The following RNF19A variants were observed in gnomAD, a reference collection of about 807,000 sequenced individuals.
The protein encoded by RNF19A is E3 ubiquitin-protein ligase RNF19A.
RNF19A carries 32 observed loss-of-function variants against 75.7 expected under a neutral mutation model. The ratio of observed to expected loss-of-function variants is 0.42; its 90% CI spans 0.32 to 0.57. The LOEUF (loss-of-function observed/expected upper bound fraction) is 0.57, where lower values mean the gene tolerates loss of function less well. Ranked by LOEUF, RNF19A falls within the 20% of genes least tolerant of loss-of-function variation. The pLI is 0.10. For synonymous variants in RNF19A, 335 were observed against 345.2 expected (o/e 0.97, Z 0.33); for missense variants, 782 against 1,036.3 (o/e 0.75, Z 3.37).
chr8:100,279,370 G>A (rs1820675104), intron 2 of RNF19A, among the ~76,000 whole-genome samples: 1 of 150,674 alleles, frequency 6.6e-6, no homozygotes, highest in Admixed American at 6.6e-5. Flanking sequence ...GCCAGGTTTT[G>A]TTTTGTTTTG....
At chr8:100,306,311 A>C (rs76014744) in intron 1 of RNF19A, among the ~76,000 whole-genome samples, 11,105 of 152,224 alleles carry the variant, frequency 0.073, 1,197 homozygotes, top group African/African-American at 0.23. Context: ...TTCAGAGTTA[A>C]AACAACTGAA....
chr8:100,267,729 T>C (rs1820051472), intron 5 of RNF19A, among the ~76,000 whole-genome samples: 1 of 149,168 alleles, frequency 6.7e-6, no homozygotes, highest in Non-Finnish European at 1.5e-5. Flanking sequence ...TAGGATGGAG[T>C]GCAATGGTGC....
upstream of RNF19A, chr8:100,310,325 C>G (rs1245203251): frequency 3.6e-6 from 3 of 831,680 alleles, no homozygotes; most frequent in African/African-American, 5.5e-5. Flanking sequence ...GACTGCGGCC[C>G]CCACGCCTGT....
At chr8:100,335,121 C>T (rs1822662373) in intron 1 of RNF19A, among the ~76,000 whole-genome samples, 1 of 152,138 alleles carries the variant, frequency 6.6e-6, no homozygotes, top group Non-Finnish European at 1.5e-5. Context: ...AATAGGAAAA[C>T]CTCAACTATT....
Position 100,287,052 on chromosome 8 carries a change from G to C in RNF19A, c.674+449C>G, listed in dbSNP as rs866369229. The stretch of plus-strand genomic sequence containing the variant: ...CACATCATACTGTGGCACATGCTAA[G>C]GTAGGTACCTTTCAAAAGGGCCATT... On this transcript the variant is annotated intron_variant, in intron 2 of 9. Transcript: ENST00000341084. The surrounding 1 kb of genome is among the most constrained non-coding windows in gnomAD (Gnocchi z 4.1). 6.6e-6 allele frequency among the ~76,000 whole-genome samples: 1 copy of C among 151,970 alleles called. No individual in the cohort carries two copies. Among genetic ancestry groups the C allele is most frequent in the Non-Finnish European group, 1.5e-5 (1 of 67,996 alleles).
At chr8:100,263,986 CT>C (rs1819849421) in intron 7 of RNF19A, 47 bp downstream of exon 7, 1 of 1,546,096 alleles carries the variant, frequency 6.5e-7, no homozygotes, top group African/African-American at 1.4e-5. Flanking sequence ...CTCCCCACTA[CT>C]TACACTGTTA....
At chr8:100,263,802 T>C (rs1819839181) in intron 7 of RNF19A, among the ~76,000 whole-genome samples, 1 of 152,224 alleles carries the variant, frequency 6.6e-6, no homozygotes, top group Non-Finnish European at 1.5e-5. Context: ...GAAAAGTTTA[T>C]GATTTCTAAG....
chr8:100,296,134 C>T (rs1318779786), intron 1 of RNF19A, among the ~76,000 whole-genome samples: 1 of 151,612 alleles, frequency 6.6e-6, no homozygotes, highest in Non-Finnish European at 1.5e-5. Context: ...GAGACGGAGT[C>T]TCAATCTGTT....
At chr8:100,302,943 CTG>C (rs769803629) in intron 1 of RNF19A, among the ~76,000 whole-genome samples, 4 of 152,154 alleles carry the variant, frequency 2.6e-5, no homozygotes, top group Non-Finnish European at 4.4e-5. Context: ...CCTGTTGAGA[CTG>C]GAGGGTATTA....
chr8:100,270,299 TA>T (rs1225510409), intron 3 of RNF19A, among the ~76,000 whole-genome samples: 2 of 152,146 alleles, frequency 1.3e-5, no homozygotes, highest in African/African-American at 4.8e-5. Context: ...AGGACAGCTC[TA>T]GGCAAATTGT....
intron 1 of RNF19A, among the ~76,000 whole-genome samples, chr8:100,334,332 C>T (rs750343821): frequency 4.6e-5 from 7 of 152,224 alleles, no homozygotes; most frequent in Non-Finnish European, 8.8e-5. Context: ...ACCCTCTGCT[C>T]TGTTTCCACA....
Position 100,309,867 on chromosome 8 carries a change from C to CT in RNF19A, c.-95dup. ...AGCTCCTCCGGGTGCCCGCCCGTAC[C>CT]TTTAACTCCTCAGAGCGGCGGCAGC... is the stretch of plus-strand genomic sequence containing the variant. On this transcript the variant is annotated splice_region_variant and 5_prime_UTR_variant, in exon 1 of 10. Transcript: ENST00000341084. 1 of 985,686 alleles carries CT rather than the reference C, an allele frequency of 1.0e-6. No homozygotes were observed. The highest frequency in any genetic ancestry group is 4.7e-5 in the South Asian group (1 of 21,300). 61.1% of individuals were successfully genotyped at this position (985,686 alleles called of 1,614,324 possible).
intron 1 of RNF19A, among the ~76,000 whole-genome samples, chr8:100,334,839 T>C (rs184230540): frequency 3.9e-5 from 6 of 152,300 alleles, no homozygotes; most frequent in South Asian, 2.1e-4. Flanking sequence ...ATAGCCTTTG[T>C]TGTATTTCAA....
At chr8:100,318,367 T>G (rs1379522177) in intron 1 of RNF19A, among the ~76,000 whole-genome samples, 1 of 152,256 alleles carries the variant, frequency 6.6e-6, no homozygotes, top group Non-Finnish European at 1.5e-5. Flanking sequence ...TTAAATTCTC[T>G]GTTCCCATTT....
In RNF19A at chr8:100,330,895, G is replaced by A. The variant is rs117460140; in HGVS notation, c.-243+5213C>T. On this transcript the variant is annotated intron_variant, in intron 1 of 3. Coordinates refer to the RNF19A transcript ENST00000519527. This position sits in a 1 kb window ranked among gnomAD's most constrained non-coding sequence, Gnocchi z 4.1. Reference sequence around the variant, plus strand: ...CTTGCTGTGTATACAGCATTAATGCGAAAAGTGCAGACTGGCTCCAAGGCT... The same window carrying A: ...CTTGCTGTGTATACAGCATTAATGCAAAAAGTGCAGACTGGCTCCAAGGCT... Among the ~76,000 whole-genome samples the A allele has an allele frequency of 2.8e-3, 422 of 152,330 alleles. No homozygotes were observed. Among genetic ancestry groups the A allele is most frequent in the Non-Finnish European group, 5.1e-3 (344 of 68,026 alleles).
At chr8:100,311,921 T>A (rs911115456), upstream of RNF19A, among the ~76,000 whole-genome samples, 1 of 152,144 alleles carries the variant, frequency 6.6e-6, no homozygotes, top group African/African-American at 2.4e-5. Context: ...AGAAGGACTT[T>A]CTATTCTTCA....
intron 1 of RNF19A, among the ~76,000 whole-genome samples, chr8:100,292,826 T>G (rs946015076): frequency 2.0e-5 from 3 of 152,220 alleles, no homozygotes; most frequent in African/African-American, 7.2e-5. Flanking sequence ...AATTATTCCA[T>G]TGCTCTATAA....
chr8:100,302,238 T>C (rs532622386), intron 1 of RNF19A, among the ~76,000 whole-genome samples: 2 of 152,200 alleles, frequency 1.3e-5, no homozygotes, highest in East Asian at 1.9e-4. Context: ...TTAAGGATGG[T>C]AGCACAGAGA....
At chr8:100,300,901 CA>C (rs1006157500) in intron 1 of RNF19A, among the ~76,000 whole-genome samples, 5 of 152,048 alleles carry the variant, frequency 3.3e-5, no homozygotes, top group African/African-American at 1.2e-4. Context: ...TTCACACAGA[CA>C]AAAAAACTAG....
Sources: allele counts gnomAD v4.1 joint callset (sites outside exome capture counted in the v4.1 genomes callset), GRCh38; gene constraint gnomAD v4.1.1; non-coding constraint Gnocchi (gnomAD v3.1); transcripts MANE v1.5; gene names NCBI Gene and HGNC (gene_info 2026-07-23, HGNC 2026-07-21).